The following CSMD3 variants were observed in gnomAD, a reference collection of about 807,000 sequenced individuals.
CSMD3 encodes CUB and Sushi multiple domains 3.
CSMD3 carries 177 observed loss-of-function variants against 435.2 expected under a neutral mutation model. The observed-to-expected ratio is 0.41, with a 90% confidence interval of 0.36 to 0.46. CSMD3 has a LOEUF of 0.46. CSMD3 is among the 20% of genes least tolerant of loss of function. The pLI is 0.34. For missense variants in CSMD3, 4,265 were observed against 4,504.6 expected, an observed-to-expected ratio of 0.95 and a Z score of 1.52; for synonymous variants, 1,656 against 1,520.5, an observed-to-expected ratio of 1.09 and a Z score of -2.07.
At chr8:112,957,276 C>T (rs1370444411) in intron 7 of CSMD3, among the ~76,000 whole-genome samples, 1 of 151,928 alleles carries the variant, frequency 6.6e-6, no homozygotes, top group Non-Finnish European at 1.5e-5. Flanking sequence ...ATTTTTTAAC[C>T]TGATGCATTT....
intron 13 of CSMD3, among the ~76,000 whole-genome samples, chr8:112,778,892 C>G (rs1156982070): frequency 6.6e-6 from 1 of 151,872 alleles, no homozygotes; most frequent in Non-Finnish European, 1.5e-5. Context: ...GTAGCTAGTA[C>G]TATCTCATTG....
intron 8 of CSMD3, among the ~76,000 whole-genome samples, chr8:112,951,553 A>C (rs2130815888): frequency 6.6e-6 from 1 of 151,932 alleles, no homozygotes; most frequent in Middle Eastern, 3.4e-3. Flanking sequence ...TCTGAACTCA[A>C]ACAACACTGA....
chr8:113,428,215 T>TCTAC (rs1439266080), intron 1 of CSMD3, among the ~76,000 whole-genome samples: 1 of 98,842 alleles, frequency 1.0e-5, no homozygotes, highest in Non-Finnish European at 2.5e-5. Flanking sequence ...TATCTATCTA[T>TCTAC]CTATCTATCT....
At chr8:113,329,759 T>C (rs999529805) in intron 1 of CSMD3, among the ~76,000 whole-genome samples, 3 of 151,898 alleles carry the variant, frequency 2.0e-5, no homozygotes, top group African/African-American at 7.3e-5. Context: ...TATAAAAGAT[T>C]AACAATGATT....
chr8:113,331,299 A>T (rs2094025851), intron 1 of CSMD3, among the ~76,000 whole-genome samples: 2 of 151,732 alleles, frequency 1.3e-5, no homozygotes, highest in South Asian at 4.1e-4. Flanking sequence ...TGACTAAAAA[A>T]AAAAATTGTA....
intron 6 of CSMD3, among the ~76,000 whole-genome samples, chr8:113,012,839 G>A (rs1587884776): frequency 1.3e-5 from 2 of 151,784 alleles, no homozygotes; most frequent in South Asian, 4.2e-4. Flanking sequence ...AAAAGTTATT[G>A]GTCTTCTCTT....
intron 9 of CSMD3, among the ~76,000 whole-genome samples, chr8:112,933,242 TTA>T (rs1038330133): frequency 1.1e-4 from 16 of 152,138 alleles, no homozygotes; most frequent in African/African-American, 3.9e-4. Flanking sequence ...AATATCTCTA[TTA>T]TTCAGAATTG....
chr8:113,186,802 T>G (rs1346299288), intron 3 of CSMD3, among the ~76,000 whole-genome samples: 1 of 151,972 alleles, frequency 6.6e-6, no homozygotes, highest in Non-Finnish European at 1.5e-5. Context: ...GAAATGCCCC[T>G]CAGGTGAAAA....
At chr8:112,917,381 G>A (rs1478343120) in intron 10 of CSMD3, among the ~76,000 whole-genome samples, 1 of 151,928 alleles carries the variant, frequency 6.6e-6, no homozygotes, top group Non-Finnish European at 1.5e-5. Context: ...TTTGTAGGAG[G>A]TGAAAACTGA....
At chr8:112,478,962 G>T (rs1051713952) in intron 31 of CSMD3, among the ~76,000 whole-genome samples, 1 of 152,132 alleles carries the variant, frequency 6.6e-6, no homozygotes, top group African/African-American at 2.4e-5. Context: ...GCCCGACTGT[G>T]AGATTGGGGT....
rs1381415815 is a variant in CSMD3 at position 112,224,397 on chromosome 8, A to T, written c.*374T>A. The T allele has an allele frequency of 1.0e-5, 3 of 292,372 alleles. No individual in the cohort carries two copies. The highest frequency in any genetic ancestry group is 2.0e-5 in the Non-Finnish European group (3 of 149,174). 18.1% of individuals were successfully genotyped at this position (292,372 alleles called of 1,614,324 possible). A position where few individuals can be genotyped will look rare whatever the true frequency, so the allele number is the denominator to read the frequency against. ...ATTGACTCTTGTAAGTATAGCTCTT[A>T]TTTCTACCCTATATCTTTTTTTTTA... is the stretch of plus-strand genomic sequence containing the variant. On this transcript the variant is annotated 3_prime_UTR_variant, in exon 71 of 71. Coordinates refer to ENST00000297405, the MANE Select transcript of CSMD3 (RefSeq NM_198123.2).
At chr8:112,479,606 C>A (rs1819427491) in intron 31 of CSMD3, among the ~76,000 whole-genome samples, 1 of 152,166 alleles carries the variant, frequency 6.6e-6, no homozygotes, top group Non-Finnish European at 1.5e-5. Context: ...GCCACTCTGG[C>A]TTCAGCCTTG....
At chr8:113,270,836 G>A (rs899288844) in intron 3 of CSMD3, among the ~76,000 whole-genome samples, 2 of 151,616 alleles carry the variant, frequency 1.3e-5, no homozygotes, top group African/African-American at 4.8e-5. Flanking sequence ...GGGGTGGGAG[G>A]AGGGGGGAGG....
chr8:112,675,820 A>G (rs2075758637), intron 16 of CSMD3, among the ~76,000 whole-genome samples: 1 of 152,136 alleles, frequency 6.6e-6, no homozygotes, highest in Non-Finnish European at 1.5e-5. Context: ...AGACAGAAGC[A>G]GTGAGAGCAG....
At chr8:113,080,190 T>C (rs2131448687) in intron 5 of CSMD3, among the ~76,000 whole-genome samples, 1 of 152,308 alleles carries the variant, frequency 6.6e-6, no homozygotes, top group African/African-American at 2.4e-5. Flanking sequence ...CAAAACACTT[T>C]GTCAATCCAC....
chr8:112,678,565 A>G (rs923331513), intron 16 of CSMD3, among the ~76,000 whole-genome samples: 8 of 152,160 alleles, frequency 5.3e-5, no homozygotes, highest in Non-Finnish European at 1.2e-4. Context: ...CCAAGTAATG[A>G]TGCTAAGATC....
chr8:113,365,958 C>T (rs1156260293), intron 1 of CSMD3, among the ~76,000 whole-genome samples: 1 of 151,980 alleles, frequency 6.6e-6, no homozygotes, highest in Non-Finnish European at 1.5e-5. Flanking sequence ...TAATTTATAA[C>T]ATATCCAGTT....
At chr8:112,336,907 A>C (rs573479815) in intron 43 of CSMD3, 78 bp from the exon 44 acceptor site, 1 of 1,175,426 alleles carries the variant, frequency 8.5e-7, no homozygotes, top group Non-Finnish European at 1.3e-6. Flanking sequence ...CAAACATTTC[A>C]CATATCTTAA....
chr8:112,945,265 A>T (rs2083567632), intron 9 of CSMD3, among the ~76,000 whole-genome samples: 1 of 151,686 alleles, frequency 6.6e-6, no homozygotes, highest in Non-Finnish European at 1.5e-5. Context: ...GTTCCCTGCC[A>T]ACACCATAGT....
Sources: allele counts gnomAD v4.1 joint callset (sites outside exome capture counted in the v4.1 genomes callset), GRCh38; gene constraint gnomAD v4.1.1; transcripts MANE v1.5; gene names NCBI Gene and HGNC (gene_info 2026-07-23, HGNC 2026-07-21).